Variants in SEMA3D observed in about 807,000 individuals in gnomAD.
SEMA3D encodes the protein semaphorin-3D.
In SEMA3D, 84 loss-of-function variants were observed where a neutral mutation model predicts 100.1. That is an observed-to-expected ratio of 0.84 (90% CI 0.70 to 1.01). The LOEUF is 1.01. SEMA3D is among the 50% of genes least tolerant of loss of function. SEMA3D has a pLI of 0.00. For missense variants in SEMA3D, 875 were observed against 934.1 expected (o/e 0.94, Z 0.82); for synonymous variants, 312 against 320.7 (o/e 0.97, Z 0.29).
intron 18 of SEMA3D, among the ~76,000 whole-genome samples, chr7:85,004,002 A>C (rs1024344152): frequency 1.6e-4 from 24 of 152,240 alleles, no homozygotes; most frequent in African/African-American, 5.5e-4. Flanking sequence ...CTAAGAAAAT[A>C]GTTAGAAAGC....
intron 3 of SEMA3D, among the ~76,000 whole-genome samples, chr7:85,114,999 A>C (rs2116378999): frequency 6.6e-6 from 1 of 152,362 alleles, no homozygotes; most frequent in African/African-American, 2.4e-5. Flanking sequence ...AAAGGGCATA[A>C]AATCCTACAA....
chr7:85,016,052 G>A (rs1790090965), intron 15 of SEMA3D, among the ~76,000 whole-genome samples: 1 of 151,372 alleles, frequency 6.6e-6, no homozygotes, highest in Non-Finnish European at 1.5e-5. Context: ...TACAGAAATG[G>A]GTCTTACACC....
At chr7:85,027,284 TG>T (rs1790416927) in intron 12 of SEMA3D, among the ~76,000 whole-genome samples, 2 of 152,004 alleles carry the variant, frequency 1.3e-5, no homozygotes, top group South Asian at 4.1e-4. Context: ...AATGATTTAG[TG>T]GGAAATAAAT....
At chr7:85,095,176 C>T (rs1005229284) in intron 4 of SEMA3D, among the ~76,000 whole-genome samples, 1 of 151,810 alleles carries the variant, frequency 6.6e-6, no homozygotes, top group Non-Finnish European at 1.5e-5. Context: ...CTAGTCTAAA[C>T]AAGAGTAAAG....
intron 3 of SEMA3D, among the ~76,000 whole-genome samples, chr7:85,112,129 T>C (rs1036659963): frequency 6.6e-6 from 1 of 152,166 alleles, no homozygotes; most frequent in Non-Finnish European, 1.5e-5. Context: ...TATTATTAGA[T>C]GTATCAAAAC....
chr7:85,241,724 A>G, the SEMA3D span, among the ~76,000 whole-genome samples: 4 of 151,540 alleles, frequency 2.6e-5, no homozygotes, highest in African/African-American at 9.7e-5. Context: ...GGTTCAGTAT[A>G]TAATGTTCAG....
chr7:85,226,225 T>C, the SEMA3D span, among the ~76,000 whole-genome samples: 1 of 152,150 alleles, frequency 6.6e-6, no homozygotes, highest in Non-Finnish European at 1.5e-5. Context: ...AAAAAAAAAC[T>C]CTTTTTTTCT....
chr7:85,144,950 A>T (rs562292675), intron 2 of SEMA3D, among the ~76,000 whole-genome samples: 2 of 152,122 alleles, frequency 1.3e-5, no homozygotes, highest in Non-Finnish European at 2.9e-5. Flanking sequence ...GATATACACA[A>T]TTCTAGCTTG....
intron 5 of SEMA3D, among the ~76,000 whole-genome samples, chr7:85,079,381 C>T (rs1329325726): frequency 1.3e-5 from 2 of 152,162 alleles, no homozygotes; most frequent in Non-Finnish European, 2.9e-5. Context: ...CATCAAACTA[C>T]AGACTTCAGC....
intron 1 of SEMA3D, among the ~76,000 whole-genome samples, chr7:85,158,803 T>G: frequency 6.6e-6 from 1 of 152,146 alleles, no homozygotes; most frequent in South Asian, 2.1e-4. Context: ...ACTCTGTCCC[T>G]TTATTTCTCA....
chr7:85,167,522 ATTGT>A, intron 1 of SEMA3D: 4 of 276,268 alleles, frequency 1.4e-5, no homozygotes, highest in South Asian at 1.4e-4. Flanking sequence ...ATCTTAATTT[ATTGT>A]TATAAATACA....
the SEMA3D span, among the ~76,000 whole-genome samples, chr7:85,237,719 A>G: frequency 6.6e-6 from 1 of 152,136 alleles, no homozygotes; most frequent in African/African-American, 2.4e-5. Context: ...ACTTTTGACA[A>G]TTGAGGATAA....
chr7:85,226,030 A>G, the SEMA3D span, among the ~76,000 whole-genome samples: 1 of 152,094 alleles, frequency 6.6e-6, no homozygotes, highest in Non-Finnish European at 1.5e-5. Flanking sequence ...CTAATCCATC[A>G]TTAAGCTATC....
chr7:85,154,821 CATA>C (rs1172790974), intron 1 of SEMA3D, among the ~76,000 whole-genome samples: 1 of 152,048 alleles, frequency 6.6e-6, no homozygotes, highest in Non-Finnish European at 1.5e-5. Flanking sequence ...GGTTTGAACA[CATA>C]ATCTAAAGAG....
rs571720753 is a variant in SEMA3D, at chr7:85,021,649, T to A, written c.1414+742A>T. Among the ~76,000 whole-genome samples, 4 of 151,960 alleles carry A rather than the reference T, an allele frequency of 2.6e-5. No homozygotes were observed. The South Asian group carries it at 8.3e-4, about 31-fold the overall frequency. On this transcript the variant is annotated intron_variant, in intron 13 of 18. Coordinates refer to ENST00000284136, the MANE Select transcript of SEMA3D (RefSeq NM_001384900.1). ...AAAAAGTCTTGTTTGTTGAAAATTCTTAATTTTTAATTCTTTATGAAATGC... is the reference window on the plus strand; with the variant it reads ...AAAAAGTCTTGTTTGTTGAAAATTCATAATTTTTAATTCTTTATGAAATGC...
Position 84,999,675 on chromosome 7 carries a change from C to T in SEMA3D, c.2099G>A (p.Gly700Glu), listed in dbSNP as rs1789601641. 1 of 1,613,994 alleles carries T rather than the reference C, an allele frequency of 6.2e-7. No homozygotes were observed. The highest frequency in any genetic ancestry group is 8.5e-7 in the Non-Finnish European group (1 of 1,179,992). Residue 700 changes from glycine to glutamate, a missense_variant, in exon 19 of 19, where the codon GGG becomes GAG. By Grantham distance (98) the Gly-to-Glu change is moderately conservative. Transcript: ENST00000284136. ...ENTQRAEHEE[G>E]KVKDLLAESR... is the part of the protein sequence containing the mutation. ...CTCAGCCAATAGATCCTTGACCTTC[C>T]CCTCCTCATGCTCTGCCCTCTGGGT...
At chr7:85,102,867 T>C (rs962581179) in intron 3 of SEMA3D, among the ~76,000 whole-genome samples, 1 of 152,030 alleles carries the variant, frequency 6.6e-6, no homozygotes, top group Non-Finnish European at 1.5e-5. Flanking sequence ...TAACCAATTC[T>C]ATGGGGTTTA....
chr7:85,120,917 C>A (rs1368792184), intron 3 of SEMA3D, among the ~76,000 whole-genome samples: 2 of 152,026 alleles, frequency 1.3e-5, no homozygotes, highest in Non-Finnish European at 2.9e-5. Context: ...ATATAATGTG[C>A]TAATTCAACT....
chr7:85,068,275 A>G lies in SEMA3D; in HGVS notation c.505T>C (p.Phe169Leu). The G allele has an allele frequency of 6.4e-7, 1 of 1,565,680 alleles. No individual in the cohort carries two copies. Residue 169 changes from phenylalanine (F) to leucine (L), a missense_variant, in exon 7 of 19, where the codon TTC becomes CTC. Phe to Leu is a conservative substitution (Grantham distance 22). Coordinates refer to ENST00000284136, the MANE Select transcript of SEMA3D (RefSeq NM_001384900.1). Reference protein sequence around the residue: ...DLGVYKEDIIFKLDTHNLESG... With the variant: ...DLGVYKEDIILKLDTHNLESG... ...TCCAAATTATGTGTGTCTAGTTTGAATATAATATCCTGTTATGAGAAATAT... is the reference window on the plus strand; with the variant it reads ...TCCAAATTATGTGTGTCTAGTTTGAGTATAATATCCTGTTATGAGAAATAT...
Sources: allele counts gnomAD v4.1 joint callset (sites outside exome capture counted in the v4.1 genomes callset), GRCh38; gene constraint gnomAD v4.1.1; transcripts MANE v1.5; gene names NCBI Gene and HGNC (gene_info 2026-07-23, HGNC 2026-07-21).